CA10: variants seen among roughly 807,000 people sequenced by gnomAD.
CA10 encodes the protein carbonic anhydrase-related protein 10.
CA10 carries 14 observed loss-of-function variants against 44.2 expected under a neutral mutation model. The observed-to-expected ratio is 0.32, with a 90% CI of 0.21 to 0.50. CA10 has a LOEUF of 0.50. CA10 is among the 20% of genes least tolerant of loss of function. The pLI is 0.99. For synonymous variants in CA10, 159 were observed against 141.6 expected (o/e 1.12, Z -0.87); for missense variants, 350 against 409.7 (o/e 0.85, Z 1.26).
intron 1 of CA10, among the ~76,000 whole-genome samples, chr17:52,131,107 ATT>A (rs34257969): frequency 6.7e-6 from 1 of 150,250 alleles, no homozygotes; most frequent in African/African-American, 2.4e-5. Flanking sequence ...TTTTTATTTT[ATT>A]TTTTTTTAGA....
intron 1 of CA10, among the ~76,000 whole-genome samples, chr17:52,123,366 T>G (rs1407090661): frequency 1.5e-5 from 1 of 66,838 alleles, no homozygotes; most frequent in African/African-American, 8.4e-5. Context: ...TGTGTATATA[T>G]ATGGGGTGTG....
intron 1 of CA10, among the ~76,000 whole-genome samples, chr17:52,090,507 G>C (rs1157821736): frequency 6.6e-6 from 1 of 152,058 alleles, no homozygotes; most frequent in African/African-American, 2.4e-5. Context: ...CTACAGCAAA[G>C]AAGTGGACTA....
At chr17:52,118,924 G>A (rs1988954617) in intron 1 of CA10, among the ~76,000 whole-genome samples, 1 of 152,132 alleles carries the variant, frequency 6.6e-6, no homozygotes, top group Admixed American at 6.5e-5. Flanking sequence ...CAGATTTCTT[G>A]TAATTTTGGA....
intron 3 of CA10, among the ~76,000 whole-genome samples, chr17:51,824,360 G>A (rs9894957): frequency 0.059 from 9,013 of 152,216 alleles, 751 homozygotes; most frequent in African/African-American, 0.19. Flanking sequence ...CCAGGGATTG[G>A]CTGGTGTGGG....
At chr17:51,634,400 C>G (rs955173409) in intron 7 of CA10, among the ~76,000 whole-genome samples, 11 of 152,164 alleles carry the variant, frequency 7.2e-5, no homozygotes, top group African/African-American at 2.7e-4. Flanking sequence ...TCAAATTGTT[C>G]AAATGGTGGT....
At chr17:51,838,897 T>C (rs748473516) in intron 3 of CA10, among the ~76,000 whole-genome samples, 4 of 152,242 alleles carry the variant, frequency 2.6e-5, no homozygotes, top group Non-Finnish European at 5.9e-5. Context: ...GTGCCCTTTA[T>C]AGACTCTATG....
intron 4 of CA10, among the ~76,000 whole-genome samples, chr17:51,730,082 C>T (rs916514357): frequency 1.3e-5 from 2 of 152,178 alleles, no homozygotes; most frequent in Non-Finnish European, 2.9e-5. Flanking sequence ...AGCAGTGGCT[C>T]CAGTGTGGAG....
intron 1 of CA10, among the ~76,000 whole-genome samples, chr17:52,104,652 G>A (rs967728717): frequency 6.6e-6 from 1 of 151,886 alleles, no homozygotes; most frequent in African/African-American, 2.4e-5. Context: ...TCCTCTCTTG[G>A]TGCCTTCCTG....
intron 4 of CA10, among the ~76,000 whole-genome samples, chr17:51,676,021 T>G (rs1483742260): frequency 6.6e-6 from 1 of 152,212 alleles, no homozygotes; most frequent in African/African-American, 2.4e-5. Context: ...AAGTCAGCAA[T>G]GGCTGCTTAT....
intron 2 of CA10, among the ~76,000 whole-genome samples, chr17:52,066,915 A>C (rs1987552659): frequency 2.0e-5 from 3 of 152,172 alleles, no homozygotes; most frequent in African/African-American, 4.8e-5. Context: ...GGTGCTCTTA[A>C]AAGTATTCAA....
At chr17:51,743,686 A>G (rs1194132242) in intron 4 of CA10, among the ~76,000 whole-genome samples, 1 of 152,210 alleles carries the variant, frequency 6.6e-6, no homozygotes, top group African/African-American at 2.4e-5. Context: ...GCCTGGCATT[A>G]ATTGACTTAT....
rs200252894 is a variant in CA10, at chr17:51,868,887, TTTTG to T, written c.279+62099_279+62102del. Among the ~76,000 whole-genome samples, 198 of 144,956 alleles carry T rather than the reference TTTTG, an allele frequency of 1.4e-3. 1 individual carries two copies. The highest frequency in any genetic ancestry group is 5.2e-3 in the African/African-American group (189 of 36,636). The stretch of plus-strand genomic sequence containing the variant: ...AAGTTAGCTATGAAGCCAAAAGTTT[TTTTG>T]TTTTTTTTTTTTTACAAAAGATGTT... On this transcript the variant is annotated intron_variant, in intron 3 of 8. Transcript: ENST00000451037.
intron 4 of CA10, among the ~76,000 whole-genome samples, chr17:51,667,729 G>C (rs965135558): frequency 3.3e-5 from 5 of 152,078 alleles, no homozygotes; most frequent in Non-Finnish European, 7.4e-5. Flanking sequence ...GGTGAGTTGG[G>C]GGTGACAGTG....
Position 51,950,450 on chromosome 17 carries a change from G to A in CA10, c.137-19318C>T, listed in dbSNP as rs112182120. ...GGAGGCACTCGCAGGGAACTGGAGG[G>A]TGAGAAGAGAGATGCCTGGACGTTT... On this transcript the variant is annotated intron_variant, in intron 2 of 8. Transcript: ENST00000451037. Among the ~76,000 whole-genome samples, 611 of 152,242 alleles carry A rather than the reference G, an allele frequency of 4.0e-3. 2 individuals are homozygous for A. Among genetic ancestry groups the A allele is most frequent in the African/African-American group, 0.014 (579 of 41,570 alleles).
At chr17:51,635,826 A>G in intron 7 of CA10, 29 bp downstream of exon 7, 1 of 1,510,216 alleles carries the variant, frequency 6.6e-7, no homozygotes, top group Non-Finnish European at 9.0e-7. Flanking sequence ...ATTCTTCTCC[A>G]TTAGCTAAAT....
chr17:51,734,470 T>A (rs932616643), intron 4 of CA10, among the ~76,000 whole-genome samples: 2 of 152,192 alleles, frequency 1.3e-5, no homozygotes, highest in Non-Finnish European at 2.9e-5. Flanking sequence ...GGTGAAAGGA[T>A]GTACTATAAT....
At chr17:51,914,282 T>C (rs887558119) in intron 3 of CA10, among the ~76,000 whole-genome samples, 2 of 152,154 alleles carry the variant, frequency 1.3e-5, no homozygotes, top group Admixed American at 1.3e-4. Flanking sequence ...CATTGCCATT[T>C]TTTACAGAGA....
chr17:52,156,918 C>T (rs1359495969), intron 1 of CA10, among the ~76,000 whole-genome samples: 1 of 152,118 alleles, frequency 6.6e-6, no homozygotes, highest in Non-Finnish European at 1.5e-5. Context: ...AACCCCAATT[C>T]CCTGCATCAA....
At chr17:51,855,397 T>C (rs1399869802) in intron 3 of CA10, among the ~76,000 whole-genome samples, 2 of 152,172 alleles carry the variant, frequency 1.3e-5, no homozygotes, top group Admixed American at 6.5e-5. Context: ...AAGTTGAGAA[T>C]TAAACTATCA....
Sources: gnomAD v4.1 joint callset for allele counts (sites outside exome capture counted in the v4.1 genomes callset) on GRCh38, gnomAD v4.1.1 for gene constraint, MANE v1.5 for transcripts, NCBI Gene and HGNC (gene_info 2026-07-23, HGNC 2026-07-21) for gene names.